The following GNAT3 variants were observed in gnomAD, a reference collection of about 807,000 sequenced individuals.
GNAT3 encodes guanine nucleotide-binding protein G(t) subunit alpha-3.
In GNAT3, 31 loss-of-function variants were observed where a neutral mutation model predicts 37.7. That is an observed-to-expected ratio of 0.82 (90% confidence interval 0.62 to 1.11). GNAT3 has a LOEUF of 1.11. GNAT3 is among the 50% of genes most tolerant of loss of function. The probability of loss-of-function intolerance (pLI) is 0.00; values close to 1 mark genes in which losing one functional copy is unlikely to be tolerated. For synonymous variants in GNAT3, 138 were observed against 139.8 expected (o/e 0.99, Z 0.09); for missense variants, 437 against 412.5 (o/e 1.06, Z -0.51).
chr7:80,473,487 ATTGT>A (rs1352743845), intron 5 of GNAT3, among the ~76,000 whole-genome samples: 2 of 151,148 alleles, frequency 1.3e-5, no homozygotes, highest in Non-Finnish European at 2.9e-5. Context: ...GATTATTCTC[ATTGT>A]TTGATACAAG....
chr7:80,463,014 A>T (rs917956438), intron 5 of GNAT3, among the ~76,000 whole-genome samples: 2 of 152,170 alleles, frequency 1.3e-5, no homozygotes, highest in Non-Finnish European at 2.9e-5. Flanking sequence ...TTCTGATGTT[A>T]TGATTCTTGC....
chr7:80,478,463 AGAT>A (rs1478686228), intron 4 of GNAT3, among the ~76,000 whole-genome samples: 2 of 152,166 alleles, frequency 1.3e-5, no homozygotes, highest in Admixed American at 1.3e-4. Context: ...TTAATCTAGG[AGAT>A]GATTTCACTA....
intron 1 of GNAT3, among the ~76,000 whole-genome samples, chr7:80,509,252 G>C (rs1791010398): frequency 6.6e-6 from 1 of 152,072 alleles, no homozygotes; most frequent in Non-Finnish European, 1.5e-5. Flanking sequence ...GCTGTTATAA[G>C]ACTGTTATGA....
chr7:80,494,751 T>C (rs772114933), intron 1 of GNAT3, 104 bp from the exon 2 acceptor site: 4 of 695,006 alleles, frequency 5.8e-6, no homozygotes, highest in Non-Finnish European at 1.0e-5. Flanking sequence ...TTTAATAGGT[T>C]TAGGGGGTAC....
At chr7:80,474,543 G>A (rs576383119) in intron 4 of GNAT3, among the ~76,000 whole-genome samples, 164 bp from the exon 5 acceptor site, 12 of 152,118 alleles carry the variant, frequency 7.9e-5, no homozygotes, top group East Asian at 3.9e-4. Context: ...AATTTTTAGC[G>A]TAGGTTCTAT....
chr7:80,496,058 T>C (rs1275268808), intron 1 of GNAT3, among the ~76,000 whole-genome samples: 3 of 152,192 alleles, frequency 2.0e-5, no homozygotes, highest in Non-Finnish European at 2.9e-5. Context: ...GTTTGTCCCA[T>C]TGGCCTATTT....
At chr7:80,494,905 T>C (rs1790687127) in intron 1 of GNAT3, among the ~76,000 whole-genome samples, 1 of 152,108 alleles carries the variant, frequency 6.6e-6, no homozygotes, top group South Asian at 2.1e-4. Context: ...CTTTTCCAAG[T>C]CTCCAGTGTC....
chr7:80,507,913 TG>T (rs1159927769), intron 1 of GNAT3, among the ~76,000 whole-genome samples: 34 of 152,130 alleles, frequency 2.2e-4, no homozygotes, highest in African/African-American at 8.2e-4. Context: ...AAGTAGTTTT[TG>T]ATCTCTAGAC....
intron 5 of GNAT3, among the ~76,000 whole-genome samples, chr7:80,465,822 C>A (rs183385362): frequency 4.8e-4 from 73 of 152,202 alleles, no homozygotes; most frequent in Middle Eastern, 3.4e-3. Flanking sequence ...TCACCTAATG[C>A]ATTTCAGATG....
At chr7:80,501,405 T>C (rs1790832238) in intron 1 of GNAT3, among the ~76,000 whole-genome samples, 1 of 152,008 alleles carries the variant, frequency 6.6e-6, no homozygotes, top group Non-Finnish European at 1.5e-5. Context: ...CCATAAATAT[T>C]TTGAAATGCA....
rs1440087437 is a variant in GNAT3 at position 80,483,900 on chromosome 7, G to A, written c.303+4635C>T. ...ATTTCCCTATGAGGTATTTGGAAAA[G>A]CTTGGGAATTACAGTGGGCCTGGAA... On this transcript the variant is annotated intron_variant, in intron 3 of 7. Transcript: ENST00000398291. 6.6e-5 allele frequency among the ~76,000 whole-genome samples: 10 copies of A among 152,200 alleles called. No homozygotes were observed. In the East Asian group the frequency reaches 1.9e-3, roughly 29 times the overall value.
rs1045596871 is a variant in GNAT3, at chr7:80,458,774, G to A, written c.962C>T (p.Ser321Phe). 2 of 1,596,770 alleles carry A rather than the reference G, an allele frequency of 1.3e-6. No individual in the cohort carries two copies. Among genetic ancestry groups the A allele is most frequent in the Non-Finnish European group, 1.7e-6 (2 of 1,170,036 alleles). The change falls in exon 8 of 8, where the codon TCC becomes TTC. Residue 321 changes from serine to phenylalanine, a missense_variant. Physicochemically the swap from Ser to Phe is radical, Grantham distance 155. Coordinates refer to ENST00000398291, the MANE Select transcript of GNAT3 (RefSeq NM_001102386.3). ...GGTGTCAGTAGCACAGGTCATGTGG[G>A]AATAAATTTCCTTATCTTCTTTTTT... ...NLKKEDKEIYSHMTCATDTQN... is the reference protein window; with the variant it reads ...NLKKEDKEIYFHMTCATDTQN...
chr7:80,484,913 A>T (rs964263123), intron 3 of GNAT3, among the ~76,000 whole-genome samples: 1 of 151,952 alleles, frequency 6.6e-6, no homozygotes, highest in Admixed American at 6.6e-5. Flanking sequence ...ATTTCTCCAC[A>T]TATTCCACAG....
intron 1 of GNAT3, among the ~76,000 whole-genome samples, chr7:80,495,453 G>GTTT (rs577094301): frequency 7.0e-6 from 1 of 142,624 alleles, no homozygotes; most frequent in South Asian, 2.2e-4. Flanking sequence ...TCTCACTGTA[G>GTTT]TTTTTTTTTT....
At chr7:80,479,974 C>T (rs376118574) in intron 3 of GNAT3, among the ~76,000 whole-genome samples, 1 of 151,920 alleles carries the variant, frequency 6.6e-6, no homozygotes, top group Non-Finnish European at 1.5e-5. Flanking sequence ...TTGTCTTAGT[C>T]CTGTTGGGAT....
At chr7:80,503,539 G>T (rs146252797) in intron 1 of GNAT3, among the ~76,000 whole-genome samples, 47 of 152,242 alleles carry the variant, frequency 3.1e-4, no homozygotes, top group African/African-American at 1.1e-3. Flanking sequence ...GCAGTAAAGA[G>T]AAAAATATGA....
chr7:80,465,197 C>T (rs1790111817), intron 5 of GNAT3, among the ~76,000 whole-genome samples: 3 of 152,026 alleles, frequency 2.0e-5, no homozygotes, highest in African/African-American at 7.2e-5. Context: ...ACTTCGTAAA[C>T]TGGAGTTTTA....
chr7:80,497,771 G>A (rs1790761570), intron 1 of GNAT3, among the ~76,000 whole-genome samples: 1 of 151,646 alleles, frequency 6.6e-6, no homozygotes, highest in Non-Finnish European at 1.5e-5. Context: ...GCTCATGCAG[G>A]TATGTTTAAT....
intron 1 of GNAT3, among the ~76,000 whole-genome samples, chr7:80,498,121 G>T (rs936236916): frequency 6.6e-6 from 1 of 152,010 alleles, no homozygotes; most frequent in Admixed American, 6.6e-5. Context: ...TGAAAAAAGT[G>T]ACTTTTAGAC....
Sources: gnomAD v4.1 joint callset for allele counts (sites outside exome capture counted in the v4.1 genomes callset) on GRCh38, gnomAD v4.1.1 for gene constraint, MANE v1.5 for transcripts, NCBI Gene and HGNC (gene_info 2026-07-23, HGNC 2026-07-21) for gene names.